RAPGEF6: variants seen among roughly 807,000 people sequenced by gnomAD.
RAPGEF6 encodes Rap guanine nucleotide exchange factor 6, also known as PDZ domain containing guanine nucleotide exchange factor (GEF) 2.
Under a neutral mutation model 171.4 loss-of-function variants are expected in RAPGEF6, and 56 were observed. That is an observed-to-expected ratio of 0.33 (90% CI 0.26 to 0.41). The LOEUF (loss-of-function observed/expected upper bound fraction) is 0.41. Among genes scored for constraint, RAPGEF6 ranks in the 10% least tolerant of loss-of-function variants. The pLI is 1.00. For missense variants in RAPGEF6, 1,674 were observed against 1,921.4 expected (o/e 0.87, Z 2.41); for synonymous variants, 692 against 650.1 (o/e 1.06, Z -0.98).
chr5:131,535,733 G>A (rs1759721175), intron 6 of RAPGEF6, among the ~76,000 whole-genome samples: 1 of 152,082 alleles, frequency 6.6e-6, no homozygotes, highest in African/African-American at 2.4e-5. Flanking sequence ...TGTTAACTGT[G>A]TATATTATTT....
At chr5:131,566,288 A>ATGG (rs1166510615) in intron 4 of RAPGEF6, among the ~76,000 whole-genome samples, 2 of 152,190 alleles carry the variant, frequency 1.3e-5, no homozygotes, top group East Asian at 3.8e-4. Context: ...TTTATGCTGA[A>ATGG]TGAGTTTTAG....
Position 131,604,696 on chromosome 5 carries a change from G to A in RAPGEF6, c.70-3C>T. 6.3e-7 allele frequency: 1 copy of A among 1,599,358 alleles called. No individual in the cohort carries two copies. The highest frequency in any genetic ancestry group is 1.1e-5 in the South Asian group (1 of 88,390). ...TAAGAATAAATAGTATTTAAGTCCTGTGGAACAGAAGAAAAAAATTAGATT... is the reference window on the plus strand; with the variant it reads ...TAAGAATAAATAGTATTTAAGTCCTATGGAACAGAAGAAAAAAATTAGATT... On this transcript the variant is annotated splice_region_variant and splice_polypyrimidine_tract_variant and intron_variant, in intron 1 of 27. Coordinates refer to ENST00000509018, the MANE Select transcript of RAPGEF6 (RefSeq NM_016340.6).
At chr5:131,547,508 C>CA (rs1760627626) in intron 6 of RAPGEF6, among the ~76,000 whole-genome samples, 1 of 132,472 alleles carries the variant, frequency 7.5e-6, no homozygotes. Flanking sequence ...ACACAGCTTA[C>CA]TTTTTTTTTT....
At position 131,570,041 on chromosome 5, in the gene RAPGEF6, CAAAAAAAAAAAAA is replaced by C. The variant is rs34729268; in HGVS notation, c.282-8007_282-7995del. ...TGCGGAGCAGAGCAAGACTCTGTCT[CAAAAAAAAAAAAA>C]AAAAAAAAAAAAAAAGCCAGAGACT... On this transcript the variant is annotated intron_variant, in intron 4 of 27. Coordinates refer to ENST00000509018, the MANE Select transcript of RAPGEF6 (RefSeq NM_016340.6). Among the ~76,000 whole-genome samples the C allele has an allele frequency of 1.1e-3, 31 of 27,490 alleles. 1 individual carries two copies. Among genetic ancestry groups the C allele is most frequent in the Middle Eastern group, 0.067 (2 of 30 alleles). The allele number at this position is 27,490 out of a possible 152,430, so 18.0% of individuals were successfully genotyped here.
chr5:131,603,137 A>T (rs949258778), intron 3 of RAPGEF6, 134 bp downstream of exon 3: 10 of 689,386 alleles, frequency 1.5e-5, no homozygotes, highest in Admixed American at 2.9e-5. Flanking sequence ...TATGTATGTT[A>T]TATACTTCAT....
rs907276449 is a variant in RAPGEF6, at chr5:131,429,108, G to A, written c.4574C>T (p.Thr1525Ile). 10 of 1,614,052 alleles carry A rather than the reference G, an allele frequency of 6.2e-6. 1 individual carries two copies. Among genetic ancestry groups the A allele is most frequent in the Middle Eastern group, 1.6e-4 (1 of 6,070 alleles). ...ACTATAATCTGGAGGTTTTAGGTGT[G>A]TGTGGGGTCCTTCCTTTAGGTCCGC... ...SLADLKEGPH[T>I]HLKPPDYSVA... Residue 1525 changes from threonine (T) to isoleucine (I), a missense_variant, in exon 27 of 28, where the codon ACA (threonine) becomes ATA (isoleucine). By Grantham distance (89) the Thr-to-Ile change is moderately conservative. Coordinates refer to ENST00000509018, the MANE Select transcript of RAPGEF6 (RefSeq NM_016340.6).
chr5:131,532,320 T>C (rs1561541491), intron 6 of RAPGEF6: 1 of 240,248 alleles, frequency 4.2e-6, no homozygotes, highest in East Asian at 1.1e-4. Flanking sequence ...GAGCTTTCAG[T>C]ATTGTTCTAA....
rs578040744 is a variant in RAPGEF6 at position 131,499,842 on chromosome 5, TTATC to T, written c.1255-1239_1255-1236del. On this transcript the variant is annotated intron_variant, in intron 11 of 27. Transcript: ENST00000509018. ...CATACATTAATACTAACAATGTTCT[TTATC>T]TAAGAATCTATTAAAAATAAAAAGG... Among the ~76,000 whole-genome samples, 6 of 152,274 alleles carry T rather than the reference TTATC, an allele frequency of 3.9e-5. No homozygotes were observed. The South Asian group carries it at 1.0e-3, about 26-fold the overall frequency.
intron 4 of RAPGEF6, among the ~76,000 whole-genome samples, chr5:131,587,166 G>A (rs1763301619): frequency 6.6e-6 from 1 of 152,170 alleles, no homozygotes; most frequent in Non-Finnish European, 1.5e-5. Context: ...AGTATTTCAT[G>A]GCTGTGTAAC....
intron 6 of RAPGEF6, among the ~76,000 whole-genome samples, chr5:131,523,179 A>T (rs1758617421): frequency 1.3e-5 from 2 of 152,002 alleles, no homozygotes; most frequent in East Asian, 1.9e-4. Flanking sequence ...CTCTAAAATA[A>T]CTGTCTTTAA....
chr5:131,596,155 TAAAA>T (rs36079255), intron 3 of RAPGEF6, among the ~76,000 whole-genome samples: 1 of 127,100 alleles, frequency 7.9e-6, no homozygotes. Context: ...CTCCATCATA[TAAAA>T]AAAAAAAAAA....
intron 4 of RAPGEF6, among the ~76,000 whole-genome samples, chr5:131,590,534 A>G (rs1027441950): frequency 2.6e-5 from 4 of 152,240 alleles, no homozygotes; most frequent in African/African-American, 9.6e-5. Flanking sequence ...TTTATTTGTT[A>G]TAGTAACTCA....
chr5:131,522,850 T>C (rs979772618), intron 6 of RAPGEF6, among the ~76,000 whole-genome samples: 1 of 152,140 alleles, frequency 6.6e-6, no homozygotes, highest in Non-Finnish European at 1.5e-5. Flanking sequence ...GAGAGTAAAT[T>C]AGACTCTAGA....
At chr5:131,634,523 A>C (rs992002166) in intron 1 of RAPGEF6, among the ~76,000 whole-genome samples, 4 of 152,222 alleles carry the variant, frequency 2.6e-5, no homozygotes, top group African/African-American at 9.6e-5. Context: ...CTAACTTTGA[A>C]AACTTTATCT....
chr5:131,495,312 A>G (rs1356963445), intron 13 of RAPGEF6, among the ~76,000 whole-genome samples: 1 of 17,526 alleles, frequency 5.7e-5, no homozygotes, highest in Non-Finnish European at 9.6e-5. Context: ...ACAAATAAAT[A>G]CAATAAATAA....
At chr5:131,583,758 G>A (rs1763093846) in intron 4 of RAPGEF6, among the ~76,000 whole-genome samples, 1 of 152,058 alleles carries the variant, frequency 6.6e-6, no homozygotes. Context: ...TTTTCCCCTG[G>A]CCATGGTTAT....
chr5:131,454,572 A>G (rs1362104104), intron 20 of RAPGEF6, among the ~76,000 whole-genome samples: 1 of 152,218 alleles, frequency 6.6e-6, no homozygotes, highest in Non-Finnish European at 1.5e-5. Flanking sequence ...AACTAAAAAA[A>G]GAAAAAGGAA....
chr5:131,600,528 A>AAG (rs1561596239), intron 3 of RAPGEF6, among the ~76,000 whole-genome samples: 4 of 131,508 alleles, frequency 3.0e-5, no homozygotes, highest in Non-Finnish European at 1.6e-5. Context: ...AGAACTAACG[A>AAG]GAAGGAAGGA....
At chr5:131,554,764 G>T (rs1403896025) in intron 5 of RAPGEF6, among the ~76,000 whole-genome samples, 1 of 152,042 alleles carries the variant, frequency 6.6e-6, no homozygotes, top group Non-Finnish European at 1.5e-5. Context: ...TGATCCACCC[G>T]CCTTGGCCTC....
Sources: gnomAD v4.1 joint callset for allele counts (sites outside exome capture counted in the v4.1 genomes callset) on GRCh38, gnomAD v4.1.1 for gene constraint, MANE v1.5 for transcripts, NCBI Gene and HGNC (gene_info 2026-07-23, HGNC 2026-07-21) for gene names.